Variants in GABRB3 observed in about 807,000 individuals in gnomAD.
GABRB3 encodes gamma-aminobutyric acid receptor subunit beta-3.
Under a neutral mutation model 52.1 loss-of-function variants are expected in GABRB3, and 14 were observed. That is an observed-to-expected ratio of 0.27 (90% confidence interval 0.18 to 0.42). The LOEUF (loss-of-function observed/expected upper bound fraction) is 0.42, where lower values mean the gene tolerates loss of function less well. Among genes scored for constraint, GABRB3 ranks in the 10% least tolerant of loss-of-function variants. The pLI, the probability that GABRB3 is intolerant of heterozygous loss-of-function variation, is 1.00. For synonymous variants in GABRB3, 260 were observed against 232.3 expected, an observed-to-expected ratio of 1.12 and a Z score of -1.08; for missense variants, 307 against 609.1, an observed-to-expected ratio of 0.50 and a Z score of 5.22.
chr15:26,581,426 C>T (rs1890784911), intron 5 of GABRB3, among the ~76,000 whole-genome samples: 1 of 152,202 alleles, frequency 6.6e-6, no homozygotes, highest in Admixed American at 6.5e-5. Flanking sequence ...TACCTACTCT[C>T]CTCTCTTTAA....
intron 3 of GABRB3, among the ~76,000 whole-genome samples, chr15:26,673,461 T>C (rs1348874635): frequency 6.6e-6 from 1 of 152,222 alleles, no homozygotes; most frequent in Non-Finnish European, 1.5e-5. Flanking sequence ...GCTGTACCTG[T>C]TCACCTAAAA....
chr15:26,710,096 A>G (rs1167270799), intron 3 of GABRB3, among the ~76,000 whole-genome samples: 3 of 152,254 alleles, frequency 2.0e-5, no homozygotes, highest in Middle Eastern at 3.4e-3. Flanking sequence ...AGGTTCATCA[A>G]TGTGGTTGCA....
chr15:26,651,300 G>T (rs1348827553), intron 3 of GABRB3, among the ~76,000 whole-genome samples: 1 of 152,224 alleles, frequency 6.6e-6, no homozygotes. Context: ...CCCACAAGGG[G>T]TTGAGCACAT....
intron 3 of GABRB3, among the ~76,000 whole-genome samples, chr15:26,712,289 C>G (rs1369331221): frequency 6.6e-6 from 1 of 151,904 alleles, no homozygotes; most frequent in Non-Finnish European, 1.5e-5. Flanking sequence ...GCTGGGATTA[C>G]AGACATGAGC....
intron 3 of GABRB3, among the ~76,000 whole-genome samples, chr15:26,707,864 T>C (rs528830356): frequency 1.4e-3 from 206 of 152,278 alleles, no homozygotes; most frequent in African/African-American, 4.6e-3. Flanking sequence ...CCCAAAATGA[T>C]ACATAGGTGA....
chr15:26,733,334 A>G (rs569524512), intron 3 of GABRB3, among the ~76,000 whole-genome samples: 2 of 152,304 alleles, frequency 1.3e-5, no homozygotes, highest in Admixed American at 1.3e-4. Flanking sequence ...CAAAGTCAAC[A>G]CACAAAAATT....
chr15:26,640,828 T>C (rs981265351), intron 3 of GABRB3, among the ~76,000 whole-genome samples: 1 of 152,368 alleles, frequency 6.6e-6, no homozygotes, highest in East Asian at 1.9e-4. Flanking sequence ...GAATTGTGCA[T>C]GCCAGATTCA....
At chr15:26,751,480 G>A (rs10083716) in intron 3 of GABRB3, among the ~76,000 whole-genome samples, 37,839 of 151,954 alleles carry the variant, frequency 0.25, 4,961 homozygotes, top group Non-Finnish European at 0.28. Context: ...GGGCTCTCTA[G>A]ACACAGAAGA....
chr15:26,685,908 G>A (rs548462840), intron 3 of GABRB3, among the ~76,000 whole-genome samples: 4 of 151,562 alleles, frequency 2.6e-5, no homozygotes, highest in East Asian at 2.0e-4. Context: ...GGGTTCAGGT[G>A]TTCCTCCCAC....
At chr15:26,688,610 C>A (rs140930617) in intron 3 of GABRB3, among the ~76,000 whole-genome samples, 1,574 of 152,248 alleles carry the variant, frequency 0.01, 43 homozygotes, top group Admixed American at 0.056. Context: ...TTCTGTGATC[C>A]ATCTCCTAAG....
chr15:26,756,884 G>A (rs901250843), intron 3 of GABRB3, among the ~76,000 whole-genome samples: 1 of 152,136 alleles, frequency 6.6e-6, no homozygotes, highest in Non-Finnish European at 1.5e-5. Flanking sequence ...AACCCCTGGA[G>A]ATTCTTCTGC....
chr15:26,681,553 G>C (rs1295840403), intron 3 of GABRB3, among the ~76,000 whole-genome samples: 1 of 152,100 alleles, frequency 6.6e-6, no homozygotes, highest in Non-Finnish European at 1.5e-5. Context: ...TTCAAGAGTT[G>C]AGATATATAT....
At chr15:26,612,147 C>G (rs1892093930) in intron 4 of GABRB3, 1 of 152,076 alleles carries the variant, frequency 6.6e-6, no homozygotes, top group South Asian at 2.1e-4. Flanking sequence ...AAAAGTGCAG[C>G]TCATCCTTCA....
chr15:26,674,056 T>TA (rs1054782021), intron 3 of GABRB3, among the ~76,000 whole-genome samples: 4 of 149,954 alleles, frequency 2.7e-5, no homozygotes, highest in African/African-American at 1.0e-4. Flanking sequence ...ATCACATATT[T>TA]AACCCCCCCC....
chr15:26,676,272 G>A (rs1022914227), intron 3 of GABRB3, among the ~76,000 whole-genome samples: 2 of 152,092 alleles, frequency 1.3e-5, no homozygotes, highest in Admixed American at 6.5e-5. Flanking sequence ...AAATATCTGC[G>A]GCTCCCCCCA....
intron 3 of GABRB3, among the ~76,000 whole-genome samples, chr15:26,691,210 T>C (rs115510114): frequency 8.5e-5 from 13 of 152,262 alleles, no homozygotes; most frequent in African/African-American, 3.1e-4. Flanking sequence ...GTTTCTCTTG[T>C]TTTTTCCCTC....
intron 3 of GABRB3, among the ~76,000 whole-genome samples, chr15:26,754,622 A>G (rs181372043): frequency 6.6e-6 from 1 of 152,126 alleles, no homozygotes; most frequent in East Asian, 1.9e-4. Context: ...TTTTTTTCTC[A>G]TTAACTACAT....
chr15:26,599,889 C>T (rs1027937093), intron 4 of GABRB3, among the ~76,000 whole-genome samples: 58 of 152,000 alleles, frequency 3.8e-4, no homozygotes, highest in African/African-American at 1.4e-3. Context: ...AACAATGAAC[C>T]CTCAAGAAAT....
chr15:26,743,497 T>A (rs1266802396), intron 3 of GABRB3, among the ~76,000 whole-genome samples: 1 of 152,204 alleles, frequency 6.6e-6, no homozygotes, highest in Admixed American at 6.5e-5. Flanking sequence ...TTTTGGCTAC[T>A]GGTATATATT....
Sources: allele counts gnomAD v4.1 joint callset (sites outside exome capture counted in the v4.1 genomes callset), GRCh38; gene constraint gnomAD v4.1.1; transcripts MANE v1.5; gene names NCBI Gene and HGNC (gene_info 2026-07-23, HGNC 2026-07-21).